Variants in ELMO1 observed in about 807,000 individuals in gnomAD.
ELMO1 encodes the protein engulfment and cell motility 1.
A neutral mutation model predicts 98.9 loss-of-function variants in ELMO1; 26 were observed. The ratio of observed to expected loss-of-function variants is 0.26; its 90% CI spans 0.19 to 0.36. The LOEUF is 0.36. Ranked by LOEUF, ELMO1 falls within the 10% of genes least tolerant of loss-of-function variation. The pLI is 1.00. For missense variants in ELMO1, 627 were observed against 935.2 expected (o/e 0.67, Z 4.30); for synonymous variants, 346 against 346.0 (o/e 1.00, Z 0.00).
intron 2 of ELMO1, among the ~76,000 whole-genome samples, chr7:37,332,590 A>G (rs572784759): frequency 2.6e-5 from 4 of 152,378 alleles, no homozygotes; most frequent in African/African-American, 9.6e-5. Context: ...CATGCAGAGA[A>G]CTGAGGAGGA....
chr7:37,321,330 A>G (rs544444103), intron 2 of ELMO1, among the ~76,000 whole-genome samples: 5 of 152,304 alleles, frequency 3.3e-5, no homozygotes, highest in Admixed American at 6.5e-5. Context: ...TATCTGTCCA[A>G]TTCTCCAAGA....
At chr7:37,323,433 C>T (rs950465700) in intron 2 of ELMO1, among the ~76,000 whole-genome samples, 2 of 152,216 alleles carry the variant, frequency 1.3e-5, no homozygotes, top group African/African-American at 2.4e-5. Context: ...TGGCTCATGC[C>T]TGTAATCCTA....
At chr7:37,112,976 C>T (rs1180928750) in intron 14 of ELMO1, among the ~76,000 whole-genome samples, 1 of 152,186 alleles carries the variant, frequency 6.6e-6, no homozygotes, top group East Asian at 1.9e-4. Flanking sequence ...CACATGAATC[C>T]TATTCAAAAA....
chr7:37,102,530 AC>A (rs1784696330), intron 14 of ELMO1, among the ~76,000 whole-genome samples: 1 of 152,234 alleles, frequency 6.6e-6, no homozygotes, highest in African/African-American at 2.4e-5. Context: ...AAGTAAATAA[AC>A]CCAAAAGAAA....
intron 17 of ELMO1, among the ~76,000 whole-genome samples, chr7:36,888,520 T>C (rs1424439335): frequency 6.6e-6 from 1 of 152,208 alleles, no homozygotes; most frequent in Non-Finnish European, 1.5e-5. Context: ...GTCAGAAGAC[T>C]AGAGTTTCAG....
rs180760320 is a variant in ELMO1 at position 36,973,880 on chromosome 7, C to T, written c.1437+39419G>A. Among the ~76,000 whole-genome samples, 801 of 152,346 alleles carry T rather than the reference C, an allele frequency of 5.3e-3. 8 individuals carry two copies. Among genetic ancestry groups the T allele is most frequent in the African/African-American group, 0.019 (772 of 41,586 alleles). On this transcript the variant is annotated intron_variant, in intron 16 of 21. Coordinates refer to ENST00000310758, the MANE Select transcript of ELMO1 (RefSeq NM_014800.11). ...GCCGAGCAATGAGGGGCTTAGCACC[C>T]GGGCCAGCGGCTGCAGAGGGTGTAC...
intron 16 of ELMO1, among the ~76,000 whole-genome samples, chr7:36,927,653 G>A (rs1282860315): frequency 2.0e-5 from 3 of 152,182 alleles, no homozygotes; most frequent in African/African-American, 7.2e-5. Flanking sequence ...GGACCACACA[G>A]TGGTTCCATA....
At chr7:37,081,599 A>G (rs7782152) in intron 15 of ELMO1, among the ~76,000 whole-genome samples, 17,225 of 152,204 alleles carry the variant, frequency 0.11, 1,142 homozygotes, top group Middle Eastern at 0.2. Context: ...AAGTCTCACG[A>G]GACAAGGGGA....
intron 16 of ELMO1, among the ~76,000 whole-genome samples, chr7:36,931,825 G>A (rs1263988183): frequency 1.3e-5 from 2 of 152,224 alleles, no homozygotes; most frequent in African/African-American, 2.4e-5. Context: ...ACGAAAGGGA[G>A]AATGGTATTC....
At chr7:37,431,881 TTTGTTTG>T (rs1562688447) in intron 1 of ELMO1, among the ~76,000 whole-genome samples, 2 of 152,102 alleles carry the variant, frequency 1.3e-5, no homozygotes. Flanking sequence ...TGTTTGTTTG[TTTGTTTG>T]TTTGTTTTTT....
At position 37,342,984 on chromosome 7, in the gene ELMO1, G is replaced by T; in HGVS notation, c.-73-221C>A. On this transcript the variant is annotated intron_variant, in intron 1 of 21. Transcript: ENST00000310758. The surrounding 1 kb of genome is among the most constrained non-coding windows in gnomAD (Gnocchi z 4.3). Reference sequence around the variant, plus strand: ...GTGCCAACGCCCTTGAGTCAAAGCCGCCAGGAGACGCTGCCCTGTGGGGCA... The same window carrying T: ...GTGCCAACGCCCTTGAGTCAAAGCCTCCAGGAGACGCTGCCCTGTGGGGCA... 8.7e-6 allele frequency: 3 copies of T among 346,694 alleles called. No homozygotes were observed. Among genetic ancestry groups the T allele is most frequent in the South Asian group, 4.4e-5 (1 of 22,508 alleles). The allele number at this position is 346,694 out of a possible 1,614,324, so 21.5% of individuals were successfully genotyped here.
intron 14 of ELMO1, among the ~76,000 whole-genome samples, chr7:37,122,722 T>C (rs1786159651): frequency 6.6e-6 from 1 of 152,142 alleles, no homozygotes; most frequent in African/African-American, 2.4e-5. Context: ...ATTAGACAGA[T>C]CAATGAGACA....
chr7:37,255,923 T>C (rs1056974018), intron 6 of ELMO1, among the ~76,000 whole-genome samples: 48 of 152,204 alleles, frequency 3.2e-4, no homozygotes, highest in African/African-American at 1.0e-3. Flanking sequence ...TAGGCTACCA[T>C]GTCTGGCAGG....
At chr7:37,335,720 T>C (rs537998174) in intron 2 of ELMO1, among the ~76,000 whole-genome samples, 2 of 152,260 alleles carry the variant, frequency 1.3e-5, no homozygotes, top group South Asian at 4.1e-4. Flanking sequence ...GAAGCAGAAC[T>C]AAGGTTGAAA....
chr7:37,304,926 AC>A lies in ELMO1; in HGVS notation c.192+9923del, dbSNP rs562876980. Among the ~76,000 whole-genome samples, 231 of 152,334 alleles carry A rather than the reference AC, an allele frequency of 1.5e-3. 1 individual carries two copies. The highest frequency in any genetic ancestry group is 5.4e-3 in the African/African-American group (225 of 41,578). On this transcript the variant is annotated intron_variant, in intron 4 of 21. Coordinates refer to ENST00000310758, the MANE Select transcript of ELMO1 (RefSeq NM_014800.11). ...TTCCTCGGTTATTGGAAAATGTGTC[AC>A]CACAGTGGAGTGTGACTGTGCAAAG...
intron 15 of ELMO1, among the ~76,000 whole-genome samples, chr7:37,071,913 C>T (rs548001275): frequency 1.6e-4 from 24 of 152,228 alleles, no homozygotes; most frequent in African/African-American, 3.9e-4. Flanking sequence ...CGTGCACACA[C>T]GCACACAATA....
intron 3 of ELMO1, among the ~76,000 whole-genome samples, chr7:37,315,702 T>C (rs1225005196): frequency 6.6e-6 from 1 of 152,212 alleles, no homozygotes; most frequent in Non-Finnish European, 1.5e-5. Context: ...CCAACCCCAC[T>C]GTGCACATAA....
At chr7:37,173,635 C>T (rs1283995728) in intron 13 of ELMO1, among the ~76,000 whole-genome samples, 2 of 152,234 alleles carry the variant, frequency 1.3e-5, no homozygotes, top group Non-Finnish European at 2.9e-5. Flanking sequence ...TCCTCCAGCC[C>T]CATGGCAGCG....
intron 7 of ELMO1, among the ~76,000 whole-genome samples, chr7:37,243,043 A>T (rs185541209): frequency 2.6e-5 from 4 of 152,118 alleles, no homozygotes; most frequent in Admixed American, 6.5e-5. Context: ...TTTTGTCCGG[A>T]TTTCATAATT....
Sources: gnomAD v4.1 joint callset for allele counts (sites outside exome capture counted in the v4.1 genomes callset) on GRCh38, gnomAD v4.1.1 for gene constraint, Gnocchi (gnomAD v3.1) non-coding constraint, MANE v1.5 for transcripts, NCBI Gene and HGNC (gene_info 2026-07-23, HGNC 2026-07-21) for gene names.